Variants in ACACA observed in about 807,000 individuals in gnomAD.
ACACA encodes the protein acetyl-CoA carboxylase alpha, also known as acetyl-CoA carboxylase 1.
Under a neutral mutation model 296.1 loss-of-function variants are expected in ACACA, and 103 were observed. The ratio of observed to expected loss-of-function variants is 0.35; its 90% CI spans 0.30 to 0.41. The LOEUF (loss-of-function observed/expected upper bound fraction) is 0.41. ACACA is among the 10% of genes least tolerant of loss of function. The pLI, the probability that ACACA is intolerant of heterozygous loss-of-function variation, is 1.00. For synonymous variants in ACACA, 953 were observed against 1,038.6 expected, an observed-to-expected ratio of 0.92 and a Z score of 1.58; for missense variants, 1,554 against 2,989.7, an observed-to-expected ratio of 0.52 and a Z score of 11.20.
At chr17:37,260,284 ATATATATATATATTTTTTTTTTTT>A (rs2081429016) in intron 11 of ACACA, among the ~76,000 whole-genome samples, 1 of 43,452 alleles carries the variant, frequency 2.3e-5, no homozygotes, top group African/African-American at 1.3e-4. Context: ...ATATATATAT[ATATATATATATATTTTTTTTTTTT>A]TTTTTTTTGG....
intron 9 of ACACA, among the ~76,000 whole-genome samples, chr17:37,272,732 T>C (rs1475378220): frequency 6.6e-6 from 1 of 152,004 alleles, no homozygotes; most frequent in Non-Finnish European, 1.5e-5. Flanking sequence ...GACAAAAAAA[T>C]ATTAAGTAGA....
At chr17:37,386,113 A>G (rs910107876) in intron 1 of ACACA, 1 of 1,566,400 alleles carries the variant, frequency 6.4e-7, no homozygotes, top group Non-Finnish European at 8.7e-7. Context: ...AGGAGAGAAA[A>G]CTACAAGTAC....
chr17:37,302,587 C>A (rs2083679446), intron 3 of ACACA, among the ~76,000 whole-genome samples: 1 of 152,212 alleles, frequency 6.6e-6, no homozygotes, highest in African/African-American at 2.4e-5. Context: ...GCCACCACCC[C>A]TGGCTGATTT....
chr17:37,320,126 A>T (rs2047280522), intron 3 of ACACA, among the ~76,000 whole-genome samples: 2 of 151,872 alleles, frequency 1.3e-5, no homozygotes, highest in Admixed American at 1.3e-4. Context: ...CCCTGTCTGT[A>T]AAAAAAATTT....
intron 1 of ACACA, among the ~76,000 whole-genome samples, chr17:37,382,328 C>T (rs372968731): frequency 3.0e-4 from 46 of 151,928 alleles, no homozygotes; most frequent in African/African-American, 1.1e-3. Context: ...CCCTCCTTTC[C>T]TTTTCTCACC....
chr17:37,342,436 A>AAAAATATATATAT (rs1555652530), intron 1 of ACACA, among the ~76,000 whole-genome samples: 1 of 58,218 alleles, frequency 1.7e-5, no homozygotes, highest in Non-Finnish European at 2.9e-5. Context: ...AAAAAAAAAA[A>AAAAATATATATAT]ATATATATAT....
rs552253003 is a variant in ACACA at position 37,406,211 on chromosome 17, T to C, written c.38+51A>G. Reference sequence around the variant, plus strand: ...CATGCAATAAGTACTCGACAAATGGTAGCTATTAGAATCATCATTAACAGC... The same window carrying C: ...CATGCAATAAGTACTCGACAAATGGCAGCTATTAGAATCATCATTAACAGC... On this transcript the variant is annotated intron_variant, in intron 1 of 55. Coordinates refer to ENST00000616317, the MANE Select transcript of ACACA (RefSeq NM_198834.3). 3 of 1,588,576 alleles carry C rather than the reference T, an allele frequency of 1.9e-6. No homozygotes were observed. The South Asian group carries it at 3.3e-5, about 18-fold the overall frequency.
chr17:37,329,965 A>T (rs914172946), intron 3 of ACACA, among the ~76,000 whole-genome samples: 3 of 152,070 alleles, frequency 2.0e-5, no homozygotes, highest in Non-Finnish European at 4.4e-5. Flanking sequence ...AAAACAAAAA[A>T]AACCTAGTAG....
intron 1 of ACACA, among the ~76,000 whole-genome samples, chr17:37,358,840 G>A (rs1458220163): frequency 6.6e-6 from 1 of 152,206 alleles, no homozygotes; most frequent in Non-Finnish European, 1.5e-5. Context: ...GCTGCGGGAA[G>A]GGCTGGGCTG....
chr17:37,145,081 G>A (rs1339468069), intron 45 of ACACA, among the ~76,000 whole-genome samples: 2 of 152,136 alleles, frequency 1.3e-5, no homozygotes, highest in African/African-American at 2.4e-5. Context: ...GCTCTTCCCA[G>A]CCTATCTGCC....
At chr17:37,384,139 C>T (rs1389560259) in intron 1 of ACACA, among the ~76,000 whole-genome samples, 1 of 152,122 alleles carries the variant, frequency 6.6e-6, no homozygotes, top group African/African-American at 2.4e-5. Flanking sequence ...TGGTGTGCGC[C>T]TGTTGTCCCA....
rs552607189 is a variant in ACACA at position 37,242,132 on chromosome 17, G to A, written c.2932-79C>T. Reference sequence around the variant, plus strand: ...AGCATCAGCCTCTATAGCACGACCAGTAGGAATCTTCTTCTTATAACATGG... The same window carrying A: ...AGCATCAGCCTCTATAGCACGACCAATAGGAATCTTCTTCTTATAACATGG... On this transcript the variant is annotated intron_variant, in intron 22 of 55. Coordinates refer to ENST00000616317, the MANE Select transcript of ACACA (RefSeq NM_198834.3). 7 of 1,073,144 alleles carry A rather than the reference G, an allele frequency of 6.5e-6. No homozygotes were observed. In the African/African-American group the frequency reaches 9.3e-5, roughly 14 times the overall value. 66.5% of individuals were successfully genotyped at this position (1,073,144 alleles called of 1,614,324 possible).
chr17:37,386,272 A>AT, intron 1 of ACACA: 1 of 598,656 alleles, frequency 1.7e-6, no homozygotes, highest in Non-Finnish European at 2.9e-6. Flanking sequence ...ACATTGAAAA[A>AT]TCATTCAATT....
intron 45 of ACACA, among the ~76,000 whole-genome samples, chr17:37,132,499 C>A (rs2075146697): frequency 6.6e-6 from 1 of 152,084 alleles, no homozygotes; most frequent in African/African-American, 2.4e-5. Flanking sequence ...TGTTAGAAGG[C>A]ATTCAGTGTG....
In ACACA at chr17:37,246,906, G is replaced by T; in HGVS notation, c.2380C>A (p.Pro794Thr). Reference protein sequence around the residue: ...KENDPSVMRSPSAGKLIQYIV... With the variant: ...KENDPSVMRSTSAGKLIQYIV... ...TACTGGATTAACTTCCCAGCAGAAGGTGAGCGCATCACCGATGGGTCATTT... is the reference window on the plus strand; with the variant it reads ...TACTGGATTAACTTCCCAGCAGAAGTTGAGCGCATCACCGATGGGTCATTT... Residue 794 changes from proline (P) to threonine (T), a missense_variant, in exon 19 of 56, where the codon CCT becomes ACT. By Grantham distance (38) the Pro-to-Thr change is conservative. Transcript: ENST00000616317. 6.2e-7 allele frequency: 1 copy of T among 1,614,102 alleles called. No individual in the cohort carries two copies.
chr17:37,179,399 A>G lies in ACACA; in HGVS notation c.4940T>C (p.Ile1647Thr). The G allele has an allele frequency of 6.2e-7, 1 of 1,614,194 alleles. No homozygotes were observed. ...AGTGGACATAGACTCCCAGAGTTTG[A>G]TCAGGGACTAGTGGAGAAAAGAAGT... Reference protein sequence around the residue: ...DIPEMFRQSLIKLWESMSTQA... With the variant: ...DIPEMFRQSLTKLWESMSTQA... Residue 1647 changes from isoleucine (I) to threonine (T), a missense_variant, in exon 41 of 56, where the codon ATC becomes ACC. Physicochemically the swap from Ile to Thr is moderately conservative, Grantham distance 89 (BLOSUM62 -1). Transcript: ENST00000616317.
chr17:37,296,303 T>A (rs1218444829), intron 3 of ACACA, among the ~76,000 whole-genome samples: 4 of 78,750 alleles, frequency 5.1e-5, no homozygotes, highest in Non-Finnish European at 9.4e-5. Context: ...TTTGGAGCCT[T>A]TTTTTTTTTT....
Position 37,188,280 on chromosome 17 carries a change from T to C in ACACA, c.4773A>G (p.Ala1591=). 2 of 1,613,920 alleles carry C rather than the reference T, an allele frequency of 1.2e-6. No homozygotes were observed. Among genetic ancestry groups the C allele is most frequent in the Non-Finnish European group, 1.7e-6 (2 of 1,179,904 alleles). The change falls in exon 39 of 56, where the codon GCA becomes GCG. Residue 1591 remains alanine, a synonymous_variant. Transcript: ENST00000616317. ...GGAGCCTGTTTGAGTATTGTACCTGTGCTGTCCTGGAGTCAGTCACTTCCT... is the reference window on the plus strand; with the variant it reads ...GGAGCCTGTTTGAGTATTGTACCTGCGCTGTCCTGGAGTCAGTCACTTCCT... ...LYKEVTDSRT[A]QIMFQAYGDK...
At chr17:37,141,249 G>A in intron 45 of ACACA, 1 of 588,132 alleles carries the variant, frequency 1.7e-6, no homozygotes, top group Non-Finnish European at 3.2e-6. Flanking sequence ...TCTCCTCCAG[G>A]GACTTGATCT....
Sources: gnomAD v4.1 joint callset for allele counts (sites outside exome capture counted in the v4.1 genomes callset) on GRCh38, gnomAD v4.1.1 for gene constraint, MANE v1.5 for transcripts, NCBI Gene and HGNC (gene_info 2026-07-23, HGNC 2026-07-21) for gene names.